The following AQP2 variants were observed in gnomAD, a reference collection of about 807,000 sequenced individuals.
AQP2 encodes aquaporin-2.
AQP2 carries 20 observed loss-of-function variants against 21.6 expected under a neutral mutation model. That is an observed-to-expected ratio of 0.92 (90% CI 0.65 to 1.34). The LOEUF is 1.34. Among genes scored for constraint, AQP2 ranks in the 40% most tolerant of loss-of-function variants. The pLI is 0.00. For missense variants in AQP2, 325 were observed against 363.4 expected (o/e 0.89, Z 0.86); for synonymous variants, 168 against 166.9 (o/e 1.01, Z -0.05).
intron 1 of AQP2, among the ~76,000 whole-genome samples, chr12:49,952,639 C>A (rs2137145890): frequency 6.6e-6 from 1 of 152,352 alleles, no homozygotes; most frequent in Middle Eastern, 3.4e-3. Context: ...ATGCAGTCCT[C>A]CTCCTCCATC....
Position 49,954,678 on chromosome 12 carries a change from G to C in AQP2, c.574G>C (p.Ala192Pro). 1.9e-6 allele frequency: 3 copies of C among 1,614,158 alleles called. No individual in the cohort carries two copies. Among genetic ancestry groups the C allele is most frequent in the South Asian group, 2.2e-5 (2 of 91,084 alleles). Residue 192 changes from alanine (A) to proline (P), a missense_variant, in exon 3 of 4, where the codon GCT becomes CCT. Physicochemically the swap from Ala to Pro is conservative, Grantham distance 27. Coordinates refer to ENST00000199280, the MANE Select transcript of AQP2 (RefSeq NM_000486.6). ...GAATCCTGCCCGCTCCCTGGCTCCA[G>C]CTGTCGTCACTGGCAAATTTGATGA... ...SMNPARSLAPAVVTGKFDDHW... is the reference protein window; with the variant it reads ...SMNPARSLAPPVVTGKFDDHW...
In AQP2 at chr12:49,957,181, A is replaced by G. The variant is rs1395254869; in HGVS notation, c.*1573A>G. 6.6e-6 allele frequency: 1 copy of G among 152,306 alleles called. No homozygotes were observed. The highest frequency in any genetic ancestry group is 1.5e-5 in the Non-Finnish European group (1 of 68,032). The allele number at this position is 152,306 out of a possible 1,614,324, so 9.4% of individuals were successfully genotyped here. On this transcript the variant is annotated 3_prime_UTR_variant, in exon 4 of 4. Transcript: ENST00000199280. ...CTTACCTCCTTTCGTTGATGGCCAA[A>G]GCAAAGGAGAGTCCTGGGAGCCCAC...
rs150716103 is a variant in AQP2 at position 49,954,154 on chromosome 12, G to C, written c.361-1G>C. The C allele has an allele frequency of 6.3e-7, 1 of 1,598,548 alleles. No homozygotes were observed. Among genetic ancestry groups the C allele is most frequent in the East Asian group, 2.2e-5 (1 of 44,878 alleles). On this transcript the variant is annotated splice_acceptor_variant, in intron 1 of 3. Transcript: ENST00000199280. LOFTEE classifies it high-confidence loss of function. ...CCTACCCGCCTCTTCTCTGTCCCCA[G>C]CTCAGCAACAGCACGACGGCTGGCC... is the stretch of plus-strand genomic sequence containing the variant.
In AQP2 at chr12:49,954,676, C is replaced by T; in HGVS notation, c.572C>T (p.Pro191Leu). ...CSMNPARSLA[P>L]AVVTGKFDDH... ...ATGAATCCTGCCCGCTCCCTGGCTCCAGCTGTCGTCACTGGCAAATTTGAT... is the reference window on the plus strand; with the variant it reads ...ATGAATCCTGCCCGCTCCCTGGCTCTAGCTGTCGTCACTGGCAAATTTGAT... The change falls in exon 3 of 4, where the codon CCA (proline) becomes CTA (leucine). Residue 191 changes from proline (P) to leucine (L), a missense_variant. Transcript: ENST00000199280. 1 of 1,614,212 alleles carries T rather than the reference C, an allele frequency of 6.2e-7. No individual in the cohort carries two copies. Among genetic ancestry groups the T allele is most frequent in the South Asian group, 1.1e-5 (1 of 91,092 alleles).
chr12:49,955,268 C>A, intron 3 of AQP2, 131 bp from the exon 4 acceptor site: 1 of 1,002,142 alleles, frequency 1.0e-6, no homozygotes, highest in South Asian at 1.7e-5. Flanking sequence ...GTTGTAATTA[C>A]ATAAATAAGC....
intron 1 of AQP2, among the ~76,000 whole-genome samples, chr12:49,953,068 A>G (rs949015295): frequency 3.3e-5 from 5 of 152,174 alleles, no homozygotes; most frequent in Non-Finnish European, 7.3e-5. Context: ...TTCTTATCCC[A>G]TTTCACAGAA....
chr12:49,951,119 GC>G lies in AQP2; in HGVS notation c.290del (p.Ala97ValfsTer35). 6.2e-7 allele frequency: 1 copy of G among 1,607,222 alleles called. No homozygotes were observed. Among genetic ancestry groups the G allele is most frequent in the Non-Finnish European group, 8.5e-7 (1 of 1,175,126 alleles). On this transcript the variant is annotated frameshift_variant, in exon 1 of 4. Transcript: ENST00000199280. LOFTEE classifies it high-confidence loss of function. ...CTACGTGGCTGCCCAGCTGCTGGGG[GC>G]TGTGGCCGGAGCCGCTCTGCTCCAT... Reference protein sequence around the residue: ...AFYVAAQLLGAVAGAALLHEI... With the variant: ...AFYVAAQLLGXVAGAALLHEI...
intron 2 of AQP2, 139 bp from the exon 3 acceptor site, chr12:49,954,491 A>G (rs1017201314): frequency 1.6e-6 from 2 of 1,251,828 alleles, no homozygotes; most frequent in African/African-American, 3.0e-5. Context: ...ACTCCAGCCC[A>G]TCTGTAAATA....
intron 3 of AQP2, 109 bp from the exon 4 acceptor site, chr12:49,955,290 T>G: frequency 9.0e-7 from 1 of 1,114,522 alleles, no homozygotes; most frequent in Non-Finnish European, 1.3e-6. Context: ...TTTTACTAGA[T>G]TAATGTCGGG....
chr12:49,951,077 G>A lies in AQP2; in HGVS notation c.247G>A (p.Val83Ile), dbSNP rs751779733. Reference sequence around the variant, plus strand: ...CTGCCTGGTGGGCTGCCACGTCTCCGTTCTCCGAGCCGCCTTCTACGTGGC... The same window carrying A: ...CTGCCTGGTGGGCTGCCACGTCTCCATTCTCCGAGCCGCCTTCTACGTGGC... ...VACLVGCHVS[V>I]LRAAFYVAAQ... Residue 83 changes from valine (V) to isoleucine (I), a missense_variant, in exon 1 of 4, where the codon GTT (valine) becomes ATT (isoleucine). Physicochemically the swap from Val to Ile is conservative, Grantham distance 29. Transcript: ENST00000199280. 5.2e-5 allele frequency: 84 copies of A among 1,611,632 alleles called. No homozygotes were observed. In the South Asian group the frequency reaches 6.8e-4, roughly 13 times the overall value.
chr12:49,951,647 C>A (rs1565635793), intron 1 of AQP2: 1 of 166,074 alleles, frequency 6.0e-6, no homozygotes, highest in Non-Finnish European at 1.3e-5. Flanking sequence ...TCCTTACAGG[C>A]CAGGCACGGA....
chr12:49,953,363 A>C (rs1947343078), intron 1 of AQP2, among the ~76,000 whole-genome samples: 1 of 152,150 alleles, frequency 6.6e-6, no homozygotes, highest in Non-Finnish European at 1.5e-5. Context: ...AGGGTGACAA[A>C]ACCCAAGGAG....
chr12:49,954,702 G>A lies in AQP2; in HGVS notation c.598G>A (p.Asp200Asn), dbSNP rs752474179. The part of the protein sequence containing the change: ...APAVVTGKFD[D>N]HWVFWIGPLV... ...AGCTGTCGTCACTGGCAAATTTGAT[G>A]ACCACTGGGTAATGGCTGAAACCCC... is the stretch of plus-strand genomic sequence containing the variant. Residue 200 changes from aspartate (D) to asparagine (N), a missense_variant, in exon 3 of 4, where the codon GAC (aspartate) becomes AAC (asparagine). Physicochemically the swap from Asp to Asn is conservative, Grantham distance 23. Transcript: ENST00000199280. The A allele has an allele frequency of 4.3e-6, 7 of 1,614,134 alleles. No homozygotes were observed. The highest frequency in any genetic ancestry group is 3.3e-4 in the Middle Eastern group (2 of 6,062).
Position 49,950,879 on chromosome 12 carries a change from T to C in AQP2, c.49T>C (p.Phe17Leu), listed in dbSNP as rs763919973. 1.9e-6 allele frequency: 3 copies of C among 1,613,568 alleles called. No individual in the cohort carries two copies. Among genetic ancestry groups the C allele is most frequent in the Non-Finnish European group, 2.5e-6 (3 of 1,179,558 alleles). Residue 17 changes from phenylalanine to leucine, a missense_variant, in exon 1 of 4, where the codon TTC becomes CTC. Transcript: ENST00000199280. ...IAFSRAVFAE[F>L]LATLLFVFFG... ...CTTCTCCAGGGCTGTGTTCGCAGAG[T>C]TCCTGGCCACACTCCTCTTCGTCTT...
At position 49,955,721 on chromosome 12, in the gene AQP2, A is replaced by G. The variant is rs1012165373; in HGVS notation, c.*113A>G. ...TGAAGTTGGCCCCCCAGCGCAGAGT[A>G]GCTGCTTCCTGGACGTGCGCGCCCA... On this transcript the variant is annotated 3_prime_UTR_variant, in exon 4 of 4. Transcript: ENST00000199280. 3.7e-6 allele frequency: 5 copies of G among 1,347,280 alleles called. No individual in the cohort carries two copies. The highest frequency in any genetic ancestry group is 2.0e-5 in the Admixed American group (1 of 50,092). 83.5% of individuals were successfully genotyped at this position (1,347,280 alleles called of 1,614,324 possible).
rs104894338 is a variant in AQP2 at position 49,951,129 on chromosome 12, G to T, written c.299G>T (p.Gly100Val). 4 of 1,606,618 alleles carry T rather than the reference G, an allele frequency of 2.5e-6. No homozygotes were observed. The highest frequency in any genetic ancestry group is 2.2e-5 in the East Asian group (1 of 44,702). Residue 100 changes from glycine to valine, a missense_variant, in exon 1 of 4, where the codon GGA becomes GTA. Coordinates refer to ENST00000199280, the MANE Select transcript of AQP2 (RefSeq NM_000486.6). The part of the protein sequence containing the change: ...VAAQLLGAVA[G>V]AALLHEITPA... Reference sequence around the variant, plus strand: ...GCCCAGCTGCTGGGGGCTGTGGCCGGAGCCGCTCTGCTCCATGAGATCACG... The same window carrying T: ...GCCCAGCTGCTGGGGGCTGTGGCCGTAGCCGCTCTGCTCCATGAGATCACG...
Position 49,953,987 on chromosome 12 carries a change from C to T in AQP2, c.361-168C>T, listed in dbSNP as rs1195589262. ...ATCAGGGGCTGCCTTTGGGCCAGGG[C>T]CCAGGAAGAAGGGATCAGTCGTTGC... On this transcript the variant is annotated intron_variant, in intron 1 of 3. Coordinates refer to ENST00000199280, the MANE Select transcript of AQP2 (RefSeq NM_000486.6). 9.1e-6 allele frequency: 9 copies of T among 994,182 alleles called. No individual in the cohort carries two copies. The East Asian group carries it at 2.0e-4, about 22-fold the overall frequency. 61.6% of individuals were successfully genotyped at this position (994,182 alleles called of 1,614,324 possible). A position where few individuals can be genotyped will look rare whatever the true frequency, so the allele number is the denominator to read the frequency against.
chr12:49,955,286 T>C (rs1392670153), intron 3 of AQP2, 113 bp from the exon 4 acceptor site: 31 of 1,072,222 alleles, frequency 2.9e-5, no homozygotes, highest in Non-Finnish European at 4.0e-5. Context: ...AGCATTTTAC[T>C]AGATTAATGT....
chr12:49,952,144 T>C (rs1947334901), intron 1 of AQP2: 1 of 152,370 alleles, frequency 6.6e-6, no homozygotes, highest in African/African-American at 2.4e-5. Context: ...TTGTTTTGTT[T>C]TTGAGATGGA....
Sources: gnomAD v4.1 joint callset for allele counts (sites outside exome capture counted in the v4.1 genomes callset) on GRCh38, gnomAD v4.1.1 for gene constraint, MANE v1.5 for transcripts, NCBI Gene and HGNC (gene_info 2026-07-23, HGNC 2026-07-21) for gene names.